Variants in HPSE2 observed in about 807,000 individuals in gnomAD.
HPSE2 encodes the protein inactive heparanase-2.
Under a neutral mutation model 60.5 loss-of-function variants are expected in HPSE2, and 38 were observed. The observed-to-expected ratio is 0.63, with a 90% CI of 0.48 to 0.82. The LOEUF (loss-of-function observed/expected upper bound fraction) is 0.82, where lower values mean the gene tolerates loss of function less well. Among genes scored for constraint, HPSE2 ranks in the 40% least tolerant of loss-of-function variants. The probability of loss-of-function intolerance (pLI) is 0.00; values close to 1 mark genes in which losing one functional copy is unlikely to be tolerated. For missense variants in HPSE2, 713 were observed against 740.4 expected (o/e 0.96, Z 0.43); for synonymous variants, 295 against 293.2 (o/e 1.01, Z -0.06).
intron 3 of HPSE2, among the ~76,000 whole-genome samples, chr10:99,067,590 A>G (rs542229313): frequency 2.2e-4 from 33 of 152,212 alleles, no homozygotes; most frequent in Non-Finnish European, 4.7e-4. Flanking sequence ...TCTGAGCTGT[A>G]TGTTGGCTCC....
intron 3 of HPSE2, among the ~76,000 whole-genome samples, chr10:99,072,946 A>C (rs1236164243): frequency 2.1e-4 from 21 of 101,420 alleles, no homozygotes; most frequent in East Asian, 2.7e-4. Context: ...AAAAAAAAAA[A>C]AAAAAAAAAA....
chr10:98,609,945 G>A (rs766478787), intron 9 of HPSE2, among the ~76,000 whole-genome samples: 24 of 150,488 alleles, frequency 1.6e-4, no homozygotes, highest in Non-Finnish European at 2.9e-4. Flanking sequence ...AGATTCAAGT[G>A]ATTCTCCTGC....
chr10:98,474,306 T>C (rs375917405), intron 11 of HPSE2, among the ~76,000 whole-genome samples: 1 of 152,206 alleles, frequency 6.6e-6, no homozygotes, highest in African/African-American at 2.4e-5. Context: ...ACATGGTGCT[T>C]TCAGGTATCA....
intron 7 of HPSE2, among the ~76,000 whole-genome samples, chr10:98,634,095 T>C (rs1418940942): frequency 6.6e-6 from 1 of 152,222 alleles, no homozygotes; most frequent in Non-Finnish European, 1.5e-5. Context: ...TAAACTGATT[T>C]CCATCTATTC....
intron 6 of HPSE2, among the ~76,000 whole-genome samples, chr10:98,687,450 T>A (rs1947946061): frequency 6.6e-6 from 1 of 152,324 alleles, no homozygotes; most frequent in South Asian, 2.1e-4. Context: ...TCTACTCTTG[T>A]GGTTATATTG....
At chr10:98,908,651 C>G (rs1953891391) in intron 3 of HPSE2, among the ~76,000 whole-genome samples, 2 of 126,236 alleles carry the variant, frequency 1.6e-5, no homozygotes, top group South Asian at 5.1e-4. Flanking sequence ...CCGTTGCACT[C>G]CAGCCCAGGC....
intron 2 of HPSE2, among the ~76,000 whole-genome samples, chr10:99,227,812 T>C (rs1849518820): frequency 6.7e-6 from 1 of 149,106 alleles, no homozygotes; most frequent in East Asian, 2.0e-4. Context: ...TATATATATA[T>C]ATGTATATAT....
chr10:99,101,020 G>C (rs997933910), intron 3 of HPSE2, among the ~76,000 whole-genome samples: 2 of 152,170 alleles, frequency 1.3e-5, no homozygotes, highest in African/African-American at 2.4e-5. Context: ...ACCGGTACCA[G>C]CCACTGCAAA....
At chr10:98,872,360 T>C (rs1022363045) in intron 3 of HPSE2, among the ~76,000 whole-genome samples, 2 of 152,114 alleles carry the variant, frequency 1.3e-5, no homozygotes, top group African/African-American at 4.8e-5. Flanking sequence ...ATGAGATATA[T>C]AATACCCAGC....
chr10:98,700,543 G>A (rs12767384), intron 5 of HPSE2, among the ~76,000 whole-genome samples: 67,276 of 109,064 alleles, frequency 0.62, 21,343 homozygotes, highest in South Asian at 0.88. Context: ...TAAAAACCCT[G>A]GAAGAAAACC....
intron 3 of HPSE2, among the ~76,000 whole-genome samples, chr10:99,081,454 T>C (rs896347877): frequency 2.0e-5 from 3 of 152,046 alleles, no homozygotes; most frequent in African/African-American, 4.8e-5. Flanking sequence ...ACAGGAATAA[T>C]GATATTTTAT....
At chr10:98,842,779 A>G (rs78760021) in intron 3 of HPSE2, among the ~76,000 whole-genome samples, 3,071 of 152,222 alleles carry the variant, frequency 0.02, 116 homozygotes, top group East Asian at 0.17. Context: ...AAAACTGTAT[A>G]ATGACATGCA....
At chr10:99,184,823 G>GAT (rs1564878288) in intron 2 of HPSE2, among the ~76,000 whole-genome samples, 1 of 28,568 alleles carries the variant, frequency 3.5e-5, no homozygotes, top group African/African-American at 1.1e-4. Context: ...TATATATAGA[G>GAT]AGAGAGAGAG....
intron 9 of HPSE2, among the ~76,000 whole-genome samples, chr10:98,598,060 T>C (rs1043706969): frequency 2.0e-5 from 3 of 152,058 alleles, no homozygotes; most frequent in Non-Finnish European, 4.4e-5. Context: ...TCATTCTTTT[T>C]TTTTTCTTTT....
At chr10:98,467,904 G>A (rs1005599289) in intron 11 of HPSE2, among the ~76,000 whole-genome samples, 1 of 152,242 alleles carries the variant, frequency 6.6e-6, no homozygotes, top group African/African-American at 2.4e-5. Context: ...CCGGCTTCCC[G>A]GCCAGCGTGC....
At chr10:98,924,088 G>A (rs959606643) in intron 3 of HPSE2, among the ~76,000 whole-genome samples, 1 of 152,180 alleles carries the variant, frequency 6.6e-6, no homozygotes, top group African/African-American at 2.4e-5. Flanking sequence ...TGGGCCCCAA[G>A]CCCAATAATA....
chr10:98,666,734 A>C (rs1466802150), intron 6 of HPSE2, among the ~76,000 whole-genome samples: 1 of 152,186 alleles, frequency 6.6e-6, no homozygotes, highest in Non-Finnish European at 1.5e-5. Context: ...CTTGAAACTA[A>C]TGAAAATGGA....
At chr10:98,707,710 G>T (rs1373278729) in intron 5 of HPSE2, among the ~76,000 whole-genome samples, 4 of 152,088 alleles carry the variant, frequency 2.6e-5, no homozygotes, top group Admixed American at 2.0e-4. Context: ...TTTAAAATCA[G>T]ATATAGGAAA....
chr10:99,117,935 A>G (rs1057060661), intron 3 of HPSE2, among the ~76,000 whole-genome samples: 1 of 152,228 alleles, frequency 6.6e-6, no homozygotes, highest in African/African-American at 2.4e-5. Flanking sequence ...ATTCAGGCCA[A>G]TATCCTTGAT....
Sources: allele counts gnomAD v4.1 joint callset (sites outside exome capture counted in the v4.1 genomes callset), GRCh38; gene constraint gnomAD v4.1.1; transcripts MANE v1.5; gene names NCBI Gene and HGNC (gene_info 2026-07-23, HGNC 2026-07-21).